Variants in PCDHGA1 observed in about 807,000 individuals in gnomAD.
The protein encoded by PCDHGA1 is protocadherin gamma subfamily A, 1.
A neutral mutation model predicts 58.0 loss-of-function variants in PCDHGA1; 32 were observed. The observed-to-expected ratio is 0.55, with a 90% CI of 0.42 to 0.74. The LOEUF (loss-of-function observed/expected upper bound fraction) is 0.74, where lower values mean the gene tolerates loss of function less well. Among genes scored for constraint, PCDHGA1 ranks in the 30% least tolerant of loss-of-function variants. PCDHGA1 has a pLI of 0.00. For synonymous variants in PCDHGA1, 498 were observed against 501.1 expected (o/e 0.99, Z 0.08); for missense variants, 1,205 against 1,182.3 (o/e 1.02, Z -0.28).
intron 1 of PCDHGA1, chr5:141,427,957 C>T: frequency 2.5e-6 from 4 of 1,588,402 alleles, no homozygotes; most frequent in South Asian, 1.1e-5. Context: ...GACAATGTGC[C>T]GCGGGTGCTG....
chr5:141,370,529 G>T (rs767611078), intron 1 of PCDHGA1: 4 of 1,613,824 alleles, frequency 2.5e-6, no homozygotes, highest in South Asian at 1.1e-5. Flanking sequence ...ACAGGGGCTC[G>T]CTGGTAGGGA....
At chr5:141,428,129 C>G (rs1449809875) in intron 1 of PCDHGA1, 1 of 1,603,218 alleles carries the variant, frequency 6.2e-7, no homozygotes, top group Non-Finnish European at 8.5e-7. Context: ...CCGGGCTTTT[C>G]AGCCTGGGGC....
intron 1 of PCDHGA1, chr5:141,360,147 C>A: frequency 6.2e-7 from 1 of 1,601,092 alleles, no homozygotes; most frequent in Non-Finnish European, 8.5e-7. Flanking sequence ...TGAAAGCGAG[C>A]TCAGGGAGGT....
At chr5:141,447,149 T>C (rs2098528211) in intron 1 of PCDHGA1, among the ~76,000 whole-genome samples, 1 of 152,212 alleles carries the variant, frequency 6.6e-6, no homozygotes, top group African/African-American at 2.4e-5. Flanking sequence ...TTTGTTTTTG[T>C]TTTTGTTTAA....
intron 1 of PCDHGA1, chr5:141,340,198 C>T (rs1588448026): frequency 6.2e-7 from 1 of 1,614,156 alleles, no homozygotes; most frequent in East Asian, 2.2e-5. Flanking sequence ...CAACCAGAGC[C>T]CTTGACAGGG....
chr5:141,399,515 C>A, intron 1 of PCDHGA1: 13 of 1,614,040 alleles, frequency 8.1e-6, no homozygotes, highest in Non-Finnish European at 1.1e-5. Flanking sequence ...AACAACCCTC[C>A]TGGGGCCTCC....
intron 1 of PCDHGA1, chr5:141,340,813 G>C: frequency 1.2e-6 from 2 of 1,613,930 alleles, no homozygotes; most frequent in East Asian, 2.2e-5. Flanking sequence ...CCAGCGAGCC[G>C]GGACTCTTCT....
chr5:141,333,272 G>C (rs1011741696), intron 1 of PCDHGA1, 167 bp downstream of exon 1: 1 of 982,546 alleles, frequency 1.0e-6, no homozygotes, highest in Non-Finnish European at 1.5e-6. Flanking sequence ...TTCATATGCA[G>C]GTATATTTAT....
Position 141,431,999 on chromosome 5 carries a change from C to G in PCDHGA1, c.2422-62808C>G. The G allele has an allele frequency of 6.2e-7, 1 of 1,614,158 alleles. No homozygotes were observed. The highest frequency in any genetic ancestry group is 1.1e-5 in the South Asian group (1 of 91,086). On this transcript the variant is annotated intron_variant, in intron 1 of 3. Transcript: ENST00000517417. This position sits in a 1 kb window ranked among gnomAD's most constrained non-coding sequence, Gnocchi z 4.8. ...CACAGACATAGTCTTGGATAGGGAA[C>G]AGGTTCCTAGCTACAACATCACAGT... is the stretch of plus-strand genomic sequence containing the variant.
chr5:141,372,278 G>A (rs756938433), intron 1 of PCDHGA1: 7 of 1,613,020 alleles, frequency 4.3e-6, no homozygotes, highest in Non-Finnish European at 3.4e-6. Flanking sequence ...AGGTGCGCAC[G>A]GCGCGTACCT....
chr5:141,470,597 T>A (rs1309687738), intron 1 of PCDHGA1, among the ~76,000 whole-genome samples: 5 of 152,216 alleles, frequency 3.3e-5, no homozygotes, highest in Non-Finnish European at 7.3e-5. Flanking sequence ...AGGCGACCTG[T>A]GCGGGGACAC....
At chr5:141,347,224 G>A (rs922373463) in intron 1 of PCDHGA1, among the ~76,000 whole-genome samples, 2 of 142,692 alleles carry the variant, frequency 1.4e-5, no homozygotes, top group African/African-American at 5.4e-5. Context: ...CATGATCACG[G>A]CTCACTGCAG....
chr5:141,499,414 T>C (rs543824206), intron 2 of PCDHGA1, among the ~76,000 whole-genome samples: 1 of 151,804 alleles, frequency 6.6e-6, no homozygotes, highest in Non-Finnish European at 1.5e-5. Context: ...TATAGAAACA[T>C]GAAAAATAGA....
intron 1 of PCDHGA1, among the ~76,000 whole-genome samples, chr5:141,407,088 G>T (rs955657125): frequency 4.6e-5 from 7 of 152,058 alleles, no homozygotes; most frequent in African/African-American, 1.7e-4. Context: ...ATGAAGAATT[G>T]TTTTATTTGT....
At chr5:141,483,555 C>CAG (rs1415499107) in intron 1 of PCDHGA1, among the ~76,000 whole-genome samples, 2 of 152,152 alleles carry the variant, frequency 1.3e-5, no homozygotes, top group African/African-American at 4.8e-5. Flanking sequence ...GTGCCATTCA[C>CAG]AGAGACAGTG....
At chr5:141,380,599 A>G (rs1427125974) in intron 1 of PCDHGA1, among the ~76,000 whole-genome samples, 3 of 152,234 alleles carry the variant, frequency 2.0e-5, no homozygotes, top group Non-Finnish European at 2.9e-5. Context: ...GATCTTTAAT[A>G]TTTAATTTTA....
At position 141,431,017 on chromosome 5, in the gene PCDHGA1, G is replaced by A. The variant is rs768036730; in HGVS notation, c.2422-63790G>A. 2.5e-6 allele frequency: 4 copies of A among 1,613,768 alleles called. No homozygotes were observed. Among genetic ancestry groups the A allele is most frequent in the South Asian group, 1.1e-5 (1 of 91,084 alleles). ...ATCCGCGCAGCGGCAGCTTGGTCAC[G>A]GCGGGCAGGATAGACCGGGAGGAGC... On this transcript the variant is annotated intron_variant, in intron 1 of 3. Transcript: ENST00000517417. This position sits in a 1 kb window ranked among gnomAD's most constrained non-coding sequence, Gnocchi z 4.8.
In PCDHGA1 at chr5:141,431,889, A is replaced by G; in HGVS notation, c.2422-62918A>G. 1 of 1,614,170 alleles carries G rather than the reference A, an allele frequency of 6.2e-7. No homozygotes were observed. The highest frequency in any genetic ancestry group is 2.2e-5 in the East Asian group (1 of 44,888). On this transcript the variant is annotated intron_variant, in intron 1 of 3. Transcript: ENST00000517417. The surrounding 1 kb of genome is among the most constrained non-coding windows in gnomAD (Gnocchi z 4.8). The stretch of plus-strand genomic sequence containing the variant: ...TTAAATGTAAATGACCAAGATTCTG[A>G]GGAAAACGGACAGGTGATCTGTTTC...
Position 141,331,975 on chromosome 5 carries a change from G to T in PCDHGA1, c.1291G>T (p.Ala431Ser), listed in dbSNP as rs772824481. 2.4e-5 allele frequency: 39 copies of T among 1,613,980 alleles called. No homozygotes were observed. Among genetic ancestry groups the T allele is most frequent in the Non-Finnish European group, 3.3e-5 (39 of 1,180,028 alleles). ...TITAIDQGTP[A>S]LSTETHISLL... ...AACAGCAATAGACCAAGGAACTCCA[G>T]CTCTATCTACTGAAACTCACATTTC... Residue 431 changes from alanine (A) to serine (S), a missense_variant, in exon 1 of 4, where the codon GCT becomes TCT. Ala to Ser is a moderately conservative substitution (Grantham distance 99). Transcript: ENST00000517417.
Sources: allele counts gnomAD v4.1 joint callset (sites outside exome capture counted in the v4.1 genomes callset), GRCh38; gene constraint gnomAD v4.1.1; non-coding constraint Gnocchi (gnomAD v3.1); transcripts MANE v1.5; gene names NCBI Gene and HGNC (gene_info 2026-07-23, HGNC 2026-07-21).